The following MARCO variants were observed in gnomAD, a reference collection of about 807,000 sequenced individuals.
MARCO encodes macrophage receptor with collagenous structure, also known as macrophage receptor MARCO.
MARCO carries 72 observed loss-of-function variants against 70.0 expected under a neutral mutation model. The ratio of observed to expected loss-of-function variants is 1.03; its 90% CI spans 0.85 to 1.25. The LOEUF is 1.25. Among genes scored for constraint, MARCO ranks in the 50% most tolerant of loss-of-function variants. The pLI, the probability that MARCO is intolerant of heterozygous loss-of-function variation, is 0.00. For synonymous variants in MARCO, 273 were observed against 243.1 expected, an observed-to-expected ratio of 1.12 and a Z score of -1.14; for missense variants, 696 against 659.3, an observed-to-expected ratio of 1.06 and a Z score of -0.61.
intron 1 of MARCO, among the ~76,000 whole-genome samples, chr2:118,945,492 A>G (rs1679579886): frequency 6.7e-6 from 1 of 149,154 alleles, no homozygotes; most frequent in Non-Finnish European, 1.5e-5. Context: ...GGCTCAGTGC[A>G]ACCTCCATCT....
At chr2:118,947,199 G>A (rs1679617083) in intron 1 of MARCO, among the ~76,000 whole-genome samples, 1 of 152,150 alleles carries the variant, frequency 6.6e-6, no homozygotes, top group Non-Finnish European at 1.5e-5. Flanking sequence ...TTCCATGTAT[G>A]TATTATGCTT....
rs1273928902 is a variant in MARCO at position 118,977,827 on chromosome 2, G to T, written c.659-1G>T. 6.2e-7 allele frequency: 1 copy of T among 1,609,888 alleles called. No individual in the cohort carries two copies. The highest frequency in any genetic ancestry group is 8.5e-7 in the Non-Finnish European group (1 of 1,178,022). On this transcript the variant is annotated splice_acceptor_variant, in intron 7 of 16. Transcript: ENST00000327097. LOFTEE classifies it high-confidence loss of function. The stretch of plus-strand genomic sequence containing the variant: ...CATCTCACCAGCCATTCTCTTTGCA[G>T]GCACCCCAGGACCCCAAGGAGAGAA...
intron 4 of MARCO, among the ~76,000 whole-genome samples, chr2:118,973,385 GTCTC>G (rs145508451): frequency 2.7e-5 from 4 of 148,606 alleles, no homozygotes; most frequent in African/African-American, 4.9e-5. Context: ...TCTGACTTCT[GTCTC>G]TCTCTCTCTC....
At chr2:118,966,036 C>A (rs1473471510) in intron 1 of MARCO, among the ~76,000 whole-genome samples, 1 of 151,898 alleles carries the variant, frequency 6.6e-6, no homozygotes, top group Non-Finnish European at 1.5e-5. Context: ...GGACACCCTA[C>A]CAGCACTGCC....
intron 1 of MARCO, among the ~76,000 whole-genome samples, chr2:118,953,276 T>C (rs1386738906): frequency 1.3e-5 from 2 of 152,124 alleles, no homozygotes; most frequent in Admixed American, 1.3e-4. Flanking sequence ...TAACAAAGAG[T>C]TATTAACACA....
intron 1 of MARCO, among the ~76,000 whole-genome samples, chr2:118,943,562 G>T (rs1679542949): frequency 6.6e-6 from 1 of 152,318 alleles, no homozygotes; most frequent in South Asian, 2.1e-4. Flanking sequence ...CAATTTCCAT[G>T]TTGTGACTGA....
At chr2:118,982,607 C>T (rs1257257525) in intron 12 of MARCO, among the ~76,000 whole-genome samples, 197 bp downstream of exon 12, 1 of 152,188 alleles carries the variant, frequency 6.6e-6, no homozygotes, top group Non-Finnish European at 1.5e-5. Flanking sequence ...TCTTTCTCTT[C>T]TCAGAGCTCA....
intron 1 of MARCO, chr2:118,944,909 T>C (rs2104541248): frequency 6.6e-6 from 1 of 152,326 alleles, no homozygotes; most frequent in South Asian, 2.1e-4. Flanking sequence ...CATTCCATTA[T>C]CTGCACTAGA....
intron 3 of MARCO, among the ~76,000 whole-genome samples, chr2:118,971,204 C>T (rs1371666493): frequency 3.9e-5 from 6 of 152,250 alleles, no homozygotes; most frequent in Non-Finnish European, 8.8e-5. Flanking sequence ...CGAAGGGGTT[C>T]TACCTCCTCA....
chr2:118,974,462 C>A (rs1680237071), intron 5 of MARCO, 22 bp downstream of exon 5: 1 of 1,611,484 alleles, frequency 6.2e-7, no homozygotes, highest in Non-Finnish European at 8.5e-7. Context: ...TTTCTTCTGA[C>A]CCTTAATCAT....
chr2:118,948,123 T>G (rs539174452), intron 1 of MARCO, among the ~76,000 whole-genome samples: 1 of 152,210 alleles, frequency 6.6e-6, no homozygotes, highest in Non-Finnish European at 1.5e-5. Flanking sequence ...AGATAATTGG[T>G]GCCAGGAAGA....
chr2:118,984,686 G>A (rs1326024837), intron 12 of MARCO, among the ~76,000 whole-genome samples: 1 of 152,180 alleles, frequency 6.6e-6, no homozygotes, highest in Non-Finnish European at 1.5e-5. Context: ...TGGAGTCATA[G>A]GCTAATAAAC....
chr2:118,977,373 A>G, intron 6 of MARCO, 98 bp from the exon 7 acceptor site: 1 of 961,220 alleles, frequency 1.0e-6, no homozygotes, highest in South Asian at 1.3e-5. Flanking sequence ...CCTTCTGGGA[A>G]CCTTGCTCAA....
intron 1 of MARCO, among the ~76,000 whole-genome samples, chr2:118,955,142 T>A (rs980171670): frequency 4.0e-5 from 6 of 151,684 alleles, no homozygotes; most frequent in African/African-American, 1.5e-4. Context: ...AGGTTAGTTA[T>A]TAAGTTAATC....
intron 1 of MARCO, among the ~76,000 whole-genome samples, chr2:118,960,699 A>G (rs1441287770): frequency 2.0e-5 from 3 of 151,904 alleles, no homozygotes; most frequent in Admixed American, 6.6e-5. Context: ...GCTTGATATT[A>G]TTTACTAACT....
At chr2:118,971,636 C>T (rs932730035) in intron 4 of MARCO, 102 bp downstream of exon 4, 1 of 1,148,102 alleles carries the variant, frequency 8.7e-7, no homozygotes, top group African/African-American at 1.6e-5. Context: ...CTGACCCTAG[C>T]TTACCTTCCC....
intron 1 of MARCO, among the ~76,000 whole-genome samples, chr2:118,962,718 C>G (rs1347066967): frequency 6.6e-6 from 1 of 152,022 alleles, no homozygotes; most frequent in East Asian, 1.9e-4. Flanking sequence ...TTACGATATG[C>G]TGGTAAAACT....
chr2:118,985,128 A>G (rs13424991), intron 12 of MARCO, among the ~76,000 whole-genome samples: 23,391 of 152,032 alleles, frequency 0.15, 4,370 homozygotes, highest in African/African-American at 0.44. Flanking sequence ...CTACTTTACA[A>G]ACAAGGAAGC....
intron 12 of MARCO, among the ~76,000 whole-genome samples, chr2:118,984,360 T>C (rs191984654): frequency 6.6e-6 from 1 of 152,354 alleles, no homozygotes; most frequent in East Asian, 1.9e-4. Flanking sequence ...GGGGATCATT[T>C]TAATTTCATC....
Sources: allele counts gnomAD v4.1 joint callset (sites outside exome capture counted in the v4.1 genomes callset), GRCh38; gene constraint gnomAD v4.1.1; transcripts MANE v1.5; gene names NCBI Gene and HGNC (gene_info 2026-07-23, HGNC 2026-07-21).